ARMH3: variants seen among roughly 807,000 people sequenced by gnomAD.
ARMH3 encodes the protein armadillo-like helical domain-containing protein 3.
Under a neutral mutation model 99.1 loss-of-function variants are expected in ARMH3, and 60 were observed. The observed-to-expected ratio is 0.61, with a 90% CI of 0.49 to 0.75. The LOEUF (loss-of-function observed/expected upper bound fraction) is 0.75. Among genes scored for constraint, ARMH3 ranks in the 30% least tolerant of loss-of-function variants. The probability of loss-of-function intolerance (pLI) is 0.00; values close to 1 mark genes in which losing one functional copy is unlikely to be tolerated. For missense variants in ARMH3, 679 were observed against 843.1 expected, an observed-to-expected ratio of 0.81 and a Z score of 2.41; for synonymous variants, 285 against 292.8, an observed-to-expected ratio of 0.97 and a Z score of 0.27.
In ARMH3 at chr10:101,954,967, C is replaced by A. The variant is rs556772937; in HGVS notation, c.1705+1630G>T. Among the ~76,000 whole-genome samples the A allele has an allele frequency of 2.9e-4, 44 of 152,282 alleles. 1 individual carries two copies. The South Asian group carries it at 8.9e-3, about 31-fold the overall frequency. On this transcript the variant is annotated intron_variant, in intron 22 of 25. Transcript: ENST00000370033. ...TCAGACTTTTATAAAATATCTCCCC[C>A]ACTCCAACTCTTTCCTTTTCTCGTT... is the stretch of plus-strand genomic sequence containing the variant.
chr10:102,025,128 A>G, intron 6 of ARMH3, 28 bp downstream of exon 6: 2 of 1,561,102 alleles, frequency 1.3e-6, no homozygotes, highest in South Asian at 1.1e-5. Context: ...CTGTCAATTA[A>G]TACCCTTGAC....
chr10:101,969,070 G>A (rs1056240028), intron 20 of ARMH3, among the ~76,000 whole-genome samples: 1 of 152,134 alleles, frequency 6.6e-6, no homozygotes, highest in Non-Finnish European at 1.5e-5. Flanking sequence ...ATGAGGAAGA[G>A]CAATTTTAAA....
chr10:102,006,478 T>G, intron 14 of ARMH3, 62 bp downstream of exon 14: 4 of 1,542,324 alleles, frequency 2.6e-6, no homozygotes, highest in Non-Finnish European at 3.6e-6. Flanking sequence ...AACACAGCTA[T>G]GCTCACTCTG....
At chr10:101,945,249 A>G (rs1844462720) in intron 22 of ARMH3, among the ~76,000 whole-genome samples, 1 of 152,170 alleles carries the variant, frequency 6.6e-6, no homozygotes, top group Non-Finnish European at 1.5e-5. Flanking sequence ...AACTATGTGG[A>G]TGGCTAAAAC....
At chr10:101,922,573 TG>T (rs1306904622) in intron 23 of ARMH3, among the ~76,000 whole-genome samples, 1 of 152,172 alleles carries the variant, frequency 6.6e-6, no homozygotes, top group Non-Finnish European at 1.5e-5. Context: ...TTTCTTAAGG[TG>T]AGTGGTTCAT....
intron 20 of ARMH3, among the ~76,000 whole-genome samples, chr10:101,971,034 T>G (rs189762817): frequency 1.4e-5 from 2 of 144,150 alleles, no homozygotes; most frequent in African/African-American, 2.6e-5. Flanking sequence ...GAGACAGAGG[T>G]TGCAGTGAGC....
intron 19 of ARMH3, among the ~76,000 whole-genome samples, chr10:101,989,888 C>G (rs188580366): frequency 6.6e-6 from 1 of 152,324 alleles, no homozygotes; most frequent in Admixed American, 6.5e-5. Context: ...AGCGCTATCT[C>G]TCTCTAAATT....
At chr10:102,052,973 A>G (rs1399754015) in intron 1 of ARMH3, among the ~76,000 whole-genome samples, 1 of 152,014 alleles carries the variant, frequency 6.6e-6, no homozygotes, top group Non-Finnish European at 1.5e-5. Context: ...TATCCTGTCA[A>G]TGAAATCCCC....
At chr10:102,033,531 G>T (rs976392988) in intron 2 of ARMH3, 192 bp from the exon 3 acceptor site, 1 of 548,062 alleles carries the variant, frequency 1.8e-6, no homozygotes, top group Non-Finnish European at 3.0e-6. Context: ...CCATTCCCCC[G>T]CCTCAGCCTC....
intron 23 of ARMH3, among the ~76,000 whole-genome samples, chr10:101,907,134 C>A (rs1248065267): frequency 1.3e-5 from 2 of 152,186 alleles, no homozygotes; most frequent in East Asian, 3.8e-4. Context: ...GACGACCTGA[C>A]ATCCTGTTTG....
At chr10:102,055,893 C>T (rs1590253917) in intron 1 of ARMH3, among the ~76,000 whole-genome samples, 192 bp downstream of exon 1, 1 of 152,224 alleles carries the variant, frequency 6.6e-6, no homozygotes, top group Non-Finnish European at 1.5e-5. Flanking sequence ...CGGCCGCCCC[C>T]AGGCCCAGCC....
intron 15 of ARMH3, among the ~76,000 whole-genome samples, chr10:101,997,705 A>G (rs1208232716): frequency 6.6e-6 from 1 of 152,170 alleles, no homozygotes; most frequent in East Asian, 1.9e-4. Context: ...GTAGGTTCAC[A>G]TATGTTCATT....
At chr10:101,989,719 T>A (rs2135998128) in intron 19 of ARMH3, among the ~76,000 whole-genome samples, 1 of 152,242 alleles carries the variant, frequency 6.6e-6, no homozygotes, top group African/African-American at 2.4e-5. Context: ...AGACTCCGTC[T>A]CAAAACAAAA....
At chr10:101,899,424 T>C (rs564429308) in intron 23 of ARMH3, among the ~76,000 whole-genome samples, 36 of 152,336 alleles carry the variant, frequency 2.4e-4, no homozygotes, top group South Asian at 1.9e-3. Flanking sequence ...GTAGTTAAAA[T>C]GGTTCATCTG....
chr10:101,902,957 C>T (rs1021764060), intron 23 of ARMH3, among the ~76,000 whole-genome samples: 18 of 152,102 alleles, frequency 1.2e-4, no homozygotes, highest in Non-Finnish European at 2.5e-4. Context: ...AGGCGGTTGG[C>T]TCTGGCAGAT....
intron 8 of ARMH3, among the ~76,000 whole-genome samples, chr10:102,022,414 C>T (rs918691931): frequency 6.8e-6 from 1 of 146,770 alleles, no homozygotes; most frequent in African/African-American, 2.5e-5. Flanking sequence ...ATGGCGTGAA[C>T]CCAGGAGGCG....
chr10:101,986,956 C>T (rs1010097356), intron 19 of ARMH3, among the ~76,000 whole-genome samples: 18 of 152,070 alleles, frequency 1.2e-4, no homozygotes, highest in South Asian at 4.2e-4. Context: ...GGAAAAAGCG[C>T]CTAAGAAAGC....
chr10:101,884,785 C>CAAAACA (rs200199713), intron 24 of ARMH3, among the ~76,000 whole-genome samples: 2 of 136,352 alleles, frequency 1.5e-5, no homozygotes, highest in African/African-American at 2.6e-5. Context: ...CAAAACAAAA[C>CAAAACA]AAACAAACAA....
intron 20 of ARMH3, among the ~76,000 whole-genome samples, chr10:101,959,234 G>A (rs1845174527): frequency 6.6e-6 from 1 of 152,114 alleles, no homozygotes; most frequent in African/African-American, 2.4e-5. Flanking sequence ...CAGGAATAAT[G>A]GGGCTAGCTA....
Sources: allele counts gnomAD v4.1 joint callset (sites outside exome capture counted in the v4.1 genomes callset), GRCh38; gene constraint gnomAD v4.1.1; transcripts MANE v1.5; gene names NCBI Gene and HGNC (gene_info 2026-07-23, HGNC 2026-07-21).